Variants in VPS13D observed in about 807,000 individuals in gnomAD.
VPS13D encodes the protein intermembrane lipid transfer protein VPS13D.
Under a neutral mutation model 461.9 loss-of-function variants are expected in VPS13D, and 187 were observed. That is an observed-to-expected ratio of 0.40 (90% CI 0.36 to 0.46). VPS13D has a LOEUF of 0.46. Ranked by LOEUF, VPS13D falls within the 20% of genes least tolerant of loss-of-function variation. VPS13D has a pLI of 0.60. For missense variants in VPS13D, 4,711 were observed against 5,364.9 expected (o/e 0.88, Z 3.81); for synonymous variants, 1,951 against 1,986.3 (o/e 0.98, Z 0.47).
chr1:12,290,949 G>A, intron 22 of VPS13D, 49 bp from the exon 23 acceptor site: 6 of 1,535,526 alleles, frequency 3.9e-6, no homozygotes, highest in Non-Finnish European at 4.4e-6. Context: ...TTTAAGTTGT[G>A]TGACAAAAAA....
At chr1:12,334,111 G>T (rs937890676) in intron 38 of VPS13D, among the ~76,000 whole-genome samples, 5 of 152,182 alleles carry the variant, frequency 3.3e-5, no homozygotes, top group African/African-American at 9.7e-5. Flanking sequence ...TTGGATTGAG[G>T]CTGTTAGAAT....
chr1:12,359,294 A>C (rs905276635), intron 50 of VPS13D, among the ~76,000 whole-genome samples: 2 of 152,158 alleles, frequency 1.3e-5, no homozygotes, highest in African/African-American at 2.4e-5. Context: ...TTCAGTATAT[A>C]ATTTCCCAGC....
At chr1:12,368,192 C>T (rs758109946) in intron 52 of VPS13D, among the ~76,000 whole-genome samples, 21 of 152,234 alleles carry the variant, frequency 1.4e-4, no homozygotes, top group Non-Finnish European at 2.8e-4. Flanking sequence ...CACATACATA[C>T]ATACACGTAC....
chr1:12,431,459 G>C (rs1644990997), intron 65 of VPS13D, among the ~76,000 whole-genome samples: 2 of 150,466 alleles, frequency 1.3e-5, no homozygotes, highest in Non-Finnish European at 3.0e-5. Context: ...TACAGATCTA[G>C]TATGATTGTT....
chr1:12,373,711 A>G (rs1644157697), intron 54 of VPS13D, 39 bp from the exon 55 acceptor site: 1 of 1,218,588 alleles, frequency 8.2e-7, no homozygotes. Flanking sequence ...ATACCTGTAT[A>G]TATATTTTTA....
In VPS13D at chr1:12,283,357, A is replaced by G; in HGVS notation, c.5255A>G (p.Glu1752Gly). 1 of 1,614,146 alleles carries G rather than the reference A, an allele frequency of 6.2e-7. No homozygotes were observed. Among genetic ancestry groups the G allele is most frequent in the Non-Finnish European group, 8.5e-7 (1 of 1,180,024 alleles). ...TCTGCGTCCCGGAAAAAGCAAAAGG[A>G]AGTCCAAGACAAGGACTATCCCTTG... ...PTSASRKKQK[E>G]VQDKDYPLTP... Residue 1752 changes from glutamate (E) to glycine (G), a missense_variant, in exon 21 of 70, where the codon GAA becomes GGA. By Grantham distance (98) the Glu-to-Gly change is moderately conservative. This residue lies in a region of VPS13D where 4,411 missense variants were observed against 4,937.8 expected (regional missense o/e 0.89). Transcript: ENST00000620676.
intron 65 of VPS13D, among the ~76,000 whole-genome samples, chr1:12,449,832 A>T (rs1645238961): frequency 6.6e-6 from 1 of 152,206 alleles, no homozygotes; most frequent in African/African-American, 2.4e-5. Context: ...TCTTCAAAAC[A>T]GTCCTTTGCA....
chr1:12,498,568 C>G (rs1255610876), intron 68 of VPS13D, among the ~76,000 whole-genome samples: 1 of 152,018 alleles, frequency 6.6e-6, no homozygotes, highest in South Asian at 2.1e-4. Context: ...TTGTGTGACC[C>G]CTGTGGTGTT....
At chr1:12,262,570 A>C (rs1027694942) in intron 13 of VPS13D, among the ~76,000 whole-genome samples, 1 of 152,200 alleles carries the variant, frequency 6.6e-6, no homozygotes, top group African/African-American at 2.4e-5. Context: ...TCTACAGTGG[A>C]CTGTGTGGCC....
intron 68 of VPS13D, chr1:12,500,161 T>A: frequency 1.0e-6 from 1 of 984,902 alleles, no homozygotes; most frequent in Non-Finnish European, 1.2e-6. Flanking sequence ...CCAGATCGAG[T>A]TGCATTTAAT....
intron 68 of VPS13D, among the ~76,000 whole-genome samples, chr1:12,506,533 C>T (rs998700020): frequency 6.6e-6 from 1 of 152,218 alleles, no homozygotes; most frequent in Non-Finnish European, 1.5e-5. Context: ...CGTCTTCTCG[C>T]CCCTTCATGT....
intron 2 of VPS13D, among the ~76,000 whole-genome samples, chr1:12,241,684 C>T (rs1640379132): frequency 6.6e-6 from 1 of 152,180 alleles, no homozygotes; most frequent in Admixed American, 6.5e-5. Context: ...CGGTCCTGTT[C>T]CTTCTTTTGC....
Position 12,257,944 on chromosome 1 carries a change from A to G in VPS13D, c.951A>G (p.Glu317=), listed in dbSNP as rs150455338. The G allele has an allele frequency of 1.8e-4, 294 of 1,614,172 alleles. No homozygotes were observed. The African/African-American group carries it at 3.4e-3, about 19-fold the overall frequency. ...PKVAISKNCR[E]WWYFALNANL... Reference sequence around the variant, plus strand: ...TTATGGACTATTTCAGCTGCCGAGAATGGTGGTATTTTGCTTTGAATGCTA... The same window carrying G: ...TTATGGACTATTTCAGCTGCCGAGAGTGGTGGTATTTTGCTTTGAATGCTA... The change falls in exon 10 of 70, where the codon GAA becomes GAG. Residue 317 remains glutamate (E), a synonymous_variant. Transcript: ENST00000620676.
intron 65 of VPS13D, among the ~76,000 whole-genome samples, chr1:12,422,922 A>G (rs1165785300): frequency 1.3e-5 from 2 of 151,882 alleles, no homozygotes; most frequent in African/African-American, 2.4e-5. Context: ...ACTGCAGAGA[A>G]TATGAAACAT....
At position 12,508,994 on chromosome 1, in the gene VPS13D, A is replaced by T. The variant is rs766461799; in HGVS notation, c.13137A>T (p.Glu4379Asp). The T allele has an allele frequency of 6.2e-7, 1 of 1,614,178 alleles. No homozygotes were observed. The highest frequency in any genetic ancestry group is 8.5e-7 in the Non-Finnish European group (1 of 1,180,026). Residue 4379 changes from glutamate (E) to aspartate (D), a missense_variant, in exon 70 of 70, where the codon GAA becomes GAT. This residue lies in a region of VPS13D where 194 missense variants were observed against 220.9 expected (regional missense o/e 0.88). Transcript: ENST00000620676. Reference protein sequence around the residue: ...YEQQLMLRLSENREQLELDS With the variant: ...YEQQLMLRLSDNREQLELDS ...AGCAGCTTATGTTAAGACTCAGCGAAAACCGAGAGCAGCTGGAGCTGGACT... is the reference window on the plus strand; with the variant it reads ...AGCAGCTTATGTTAAGACTCAGCGATAACCGAGAGCAGCTGGAGCTGGACT...
chr1:12,300,007 C>T (rs948602177), intron 25 of VPS13D, among the ~76,000 whole-genome samples: 3 of 151,208 alleles, frequency 2.0e-5, no homozygotes, highest in East Asian at 3.9e-4. Flanking sequence ...GGTAGTTTTC[C>T]GACCCATTCC....
In VPS13D at chr1:12,261,889, C is replaced by T; in HGVS notation, c.1415-12C>T. ...CGTTTTTTCTTACAGTCTTTTCTCC[C>T]TTACCATTTAGGCACTGAGGAGTTT... On this transcript the variant is annotated splice_polypyrimidine_tract_variant and intron_variant, in intron 12 of 69. Transcript: ENST00000620676. 2 of 1,596,016 alleles carry T rather than the reference C, an allele frequency of 1.3e-6. No homozygotes were observed. The highest frequency in any genetic ancestry group is 8.6e-7 in the Non-Finnish European group (1 of 1,168,008).
intron 17 of VPS13D, among the ~76,000 whole-genome samples, chr1:12,272,627 A>C (rs1393051477): frequency 6.6e-6 from 1 of 152,154 alleles, no homozygotes; most frequent in East Asian, 1.9e-4. Flanking sequence ...ATATTTTGGC[A>C]TGGAAGTTCA....
At chr1:12,264,814 T>C (rs1641216906) in intron 13 of VPS13D, among the ~76,000 whole-genome samples, 1 of 152,220 alleles carries the variant, frequency 6.6e-6, no homozygotes. Context: ...TAGATTTTCA[T>C]TGTAGATGAA....
Sources: allele counts gnomAD v4.1 joint callset (sites outside exome capture counted in the v4.1 genomes callset), GRCh38; gene constraint gnomAD v4.1.1; regional missense constraint gnomAD v4.1.1; transcripts MANE v1.5; gene names NCBI Gene and HGNC (gene_info 2026-07-23, HGNC 2026-07-21).